The following JUP variants were observed in gnomAD, a reference collection of about 807,000 sequenced individuals.
The protein encoded by JUP is catenin (cadherin-associated protein), gamma 80kDa.
In JUP, 28 loss-of-function variants were observed where a neutral mutation model predicts 71.1. The observed-to-expected ratio is 0.39, with a 90% CI of 0.29 to 0.54. The LOEUF is 0.54. Among genes scored for constraint, JUP ranks in the 20% least tolerant of loss-of-function variants. The pLI, the probability that JUP is intolerant of heterozygous loss-of-function variation, is 0.62. For synonymous variants in JUP, 401 were observed against 438.9 expected, an observed-to-expected ratio of 0.91 and a Z score of 1.08; for missense variants, 869 against 1,030.1, an observed-to-expected ratio of 0.84 and a Z score of 2.14.
At chr17:41,766,769 C>T (rs1434832789) in intron 5 of JUP, among the ~76,000 whole-genome samples, 1 of 151,408 alleles carries the variant, frequency 6.6e-6, no homozygotes, top group Non-Finnish European at 1.5e-5. Flanking sequence ...GCAGGAGAAT[C>T]GCTTGAACCC....
chr17:41,773,082 T>C, intron 1 of JUP: 1 of 803,952 alleles, frequency 1.2e-6, no homozygotes, highest in East Asian at 1.2e-4. Context: ...GAGCTGGGAC[T>C]GGGACCAGGT....
At chr17:41,785,253 T>G in intron 1 of JUP, 1 of 149,000 alleles carries the variant, frequency 6.7e-6, no homozygotes. Context: ...GGGGATGGGG[T>G]AGAGGCAAAA....
intron 1 of JUP, among the ~76,000 whole-genome samples, chr17:41,777,592 C>T (rs1386941146): frequency 3.3e-5 from 5 of 152,200 alleles, no homozygotes; most frequent in African/African-American, 1.2e-4. Context: ...TGGTCCATTC[C>T]AAGAGGGCAG....
At chr17:41,757,895 A>C in intron 10 of JUP, 111 bp from the exon 11 acceptor site, 2 of 901,638 alleles carry the variant, frequency 2.2e-6, no homozygotes, top group Non-Finnish European at 3.4e-6. Context: ...TCCATAGTGG[A>C]AAATGGGCCG....
intron 2 of JUP, 165 bp downstream of exon 2, chr17:41,771,482 G>A: frequency 3.1e-6 from 2 of 649,438 alleles, no homozygotes; most frequent in South Asian, 1.8e-5. Context: ...GCACCCTGAA[G>A]TAGCTGCACC....
Position 41,769,077 on chromosome 17 carries a change from T to C in JUP, c.599A>G (p.Asp200Gly). 1.9e-6 allele frequency: 3 copies of C among 1,613,276 alleles called. No homozygotes were observed. The highest frequency in any genetic ancestry group is 2.5e-6 in the Non-Finnish European group (3 of 1,179,922). ...GATGCTGGTGGTGCAGCGGGCTGTG[T>C]CCAGGTCGCTGGTATTCTGCATGGT... is the stretch of plus-strand genomic sequence containing the variant. ...VRTMQNTSDLDTARCTTSILH... is the reference protein window; with the variant it reads ...VRTMQNTSDLGTARCTTSILH... Residue 200 changes from aspartate to glycine, a missense_variant, in exon 4 of 14, where the codon GAC becomes GGC. Physicochemically the swap from Asp to Gly is moderately conservative, Grantham distance 94 (BLOSUM62 -1). Transcript: ENST00000393931.
Position 41,764,829 on chromosome 17 carries a change from T to C in JUP, c.1055-13A>G. On this transcript the variant is annotated splice_polypyrimidine_tract_variant and intron_variant, in intron 6 of 13. Transcript: ENST00000393931. ...GCCTGCATCCCACCTGGGGCAGGGA[T>C]AGGGGTGCCATCAGCCACGGGGAGC... 6.2e-7 allele frequency: 1 copy of C among 1,613,614 alleles called. No homozygotes were observed. The highest frequency in any genetic ancestry group is 1.1e-5 in the South Asian group (1 of 91,054).
chr17:41,767,607 G>A (rs376822260), intron 4 of JUP, 27 bp from the exon 5 acceptor site: 48 of 1,580,990 alleles, frequency 3.0e-5, no homozygotes, highest in African/African-American at 2.0e-4. Context: ...GGGTTAGTAC[G>A]CTGAGGTCCC....
In JUP at chr17:41,771,770, C is replaced by T. The variant is rs782501542; in HGVS notation, c.85G>A (p.Gly29Ser). 6.2e-7 allele frequency: 1 copy of T among 1,614,130 alleles called. No individual in the cohort carries two copies. The highest frequency in any genetic ancestry group is 2.2e-5 in the East Asian group (1 of 44,876). Residue 29 changes from glycine (G) to serine (S), a missense_variant, in exon 2 of 14, where the codon GGC (glycine) becomes AGC (serine). Gly to Ser is a moderately conservative substitution (Grantham distance 56). Coordinates refer to ENST00000393931, the MANE Select transcript of JUP (RefSeq NM_002230.4). ...ACGGAGGGCACGCAGGTGTTGGCGC[C>T]CGAGTGGATACCCGAGTCGTAGGTG... ...TYTYDSGIHS[G>S]ANTCVPSVSS...
chr17:41,771,595 C>T (rs931266593), intron 2 of JUP, 52 bp downstream of exon 2: 11 of 1,553,090 alleles, frequency 7.1e-6, no homozygotes, highest in Admixed American at 1.7e-5. Context: ...GACCTCTCTC[C>T]AGGACCCAGG....
intron 1 of JUP, among the ~76,000 whole-genome samples, chr17:41,777,833 G>A (rs959479414): frequency 1.1e-4 from 17 of 152,182 alleles, no homozygotes; most frequent in African/African-American, 3.1e-4. Context: ...AATTTGCCAC[G>A]GCCAAGTGGC....
In JUP at chr17:41,768,015, C is replaced by T. The variant is rs112581427; in HGVS notation, c.708-435G>A. 1.1e-3 allele frequency among the ~76,000 whole-genome samples: 160 copies of T among 152,320 alleles called. 1 individual carries two copies. The highest frequency in any genetic ancestry group is 3.2e-3 in the African/African-American group (133 of 41,570). The stretch of plus-strand genomic sequence containing the variant: ...CAGTGGCTCACGTCTGTAAACTCAG[C>T]GCTTGGGGAGGCTGAGGCAGGTGGA... On this transcript the variant is annotated intron_variant, in intron 4 of 13. Coordinates refer to ENST00000393931, the MANE Select transcript of JUP (RefSeq NM_002230.4).
In JUP at chr17:41,764,716, C is replaced by G; in HGVS notation, c.1155G>C (p.Lys385Asn). 6.2e-7 allele frequency: 1 copy of G among 1,612,520 alleles called. No homozygotes were observed. Among genetic ancestry groups the G allele is most frequent in the Non-Finnish European group, 8.5e-7 (1 of 1,179,820 alleles). ...TLRNLSDVAT[K>N]QEGLESVLKI... Reference sequence around the variant, plus strand: ...CAGGCCCAGATACCTCCCTCACCTGCTTGGTGGCCACATCTGAGAGGTTGC... The same window carrying G: ...CAGGCCCAGATACCTCCCTCACCTGGTTGGTGGCCACATCTGAGAGGTTGC... The change falls in exon 7 of 14, where the codon AAG becomes AAC. Residue 385 changes from lysine (K) to asparagine (N), a missense_variant. Transcript: ENST00000393931.
chr17:41,755,912 G>A lies in JUP; in HGVS notation c.2087-17C>T. 24 of 1,600,902 alleles carry A rather than the reference G, an allele frequency of 1.5e-5. No homozygotes were observed. The highest frequency in any genetic ancestry group is 2.0e-5 in the Non-Finnish European group (23 of 1,171,994). On this transcript the variant is annotated splice_polypyrimidine_tract_variant and intron_variant, in intron 13 of 13. Transcript: ENST00000393931. ...CATCCATGTCTGGGGACAAAAAGTGGGGCTCGGTCCTAGGGTCTGCAAGCT... is the reference window on the plus strand; with the variant it reads ...CATCCATGTCTGGGGACAAAAAGTGAGGCTCGGTCCTAGGGTCTGCAAGCT...
At chr17:41,784,971 G>T (rs2047376411) in intron 1 of JUP, 1 of 150,686 alleles carries the variant, frequency 6.6e-6, no homozygotes, top group Non-Finnish European at 1.5e-5. Flanking sequence ...CCAATTCTGG[G>T]TGGGGGGGGG....
Position 41,772,680 on chromosome 17 carries a change from G to C in JUP, c.-8-818C>G, listed in dbSNP as rs569872119. Reference sequence around the variant, plus strand: ...TCAGAGGCCACGGCCATTATCATCAGCACTGCCTCTCCTCCAGAAGTGCTT... The same window carrying C: ...TCAGAGGCCACGGCCATTATCATCACCACTGCCTCTCCTCCAGAAGTGCTT... On this transcript the variant is annotated intron_variant, in intron 1 of 13. Coordinates refer to ENST00000393931, the MANE Select transcript of JUP (RefSeq NM_002230.4). The C allele has an allele frequency of 5.5e-5, 24 of 439,806 alleles. No homozygotes were observed. In the South Asian group the frequency reaches 1.5e-3, roughly 28 times the overall value. 27.2% of individuals were successfully genotyped at this position (439,806 alleles called of 1,614,324 possible). A position where few individuals can be genotyped will look rare whatever the true frequency, so the allele number is the denominator to read the frequency against.
intron 10 of JUP, 92 bp from the exon 11 acceptor site, chr17:41,757,876 T>C (rs1914123612): frequency 4.6e-6 from 5 of 1,090,122 alleles, no homozygotes; most frequent in Non-Finnish European, 6.6e-6. Flanking sequence ...ACCTCCACCC[T>C]GTAGCAATTC....
At chr17:41,771,964 A>C in intron 1 of JUP, 102 bp from the exon 2 acceptor site, 1 of 978,614 alleles carries the variant, frequency 1.0e-6, no homozygotes, top group Non-Finnish European at 1.6e-6. Flanking sequence ...CATCATCACC[A>C]TGGCCCAGGG....
intron 1 of JUP, among the ~76,000 whole-genome samples, chr17:41,776,205 C>G (rs190202943): frequency 1.3e-5 from 2 of 152,344 alleles, no homozygotes; most frequent in Admixed American, 1.3e-4. Context: ...AGGCTAGAGG[C>G]CAGCACCCTG....
Sources: gnomAD v4.1 joint callset for allele counts (sites outside exome capture counted in the v4.1 genomes callset) on GRCh38, gnomAD v4.1.1 for gene constraint, MANE v1.5 for transcripts, NCBI Gene and HGNC (gene_info 2026-07-23, HGNC 2026-07-21) for gene names.